Variants in USP28 observed in about 807,000 individuals in gnomAD.
The protein encoded by USP28 is ubiquitin carboxyl-terminal hydrolase 28.
USP28 carries 113 observed loss-of-function variants against 145.0 expected under a neutral mutation model. The observed-to-expected ratio is 0.78, with a 90% CI of 0.67 to 0.91. The LOEUF (loss-of-function observed/expected upper bound fraction) is 0.91. Among genes scored for constraint, USP28 ranks in the 40% least tolerant of loss-of-function variants. The pLI, the probability that USP28 is intolerant of heterozygous loss-of-function variation, is 0.00. For missense variants in USP28, 1,201 were observed against 1,289.6 expected (o/e 0.93, Z 1.05); for synonymous variants, 447 against 450.9 (o/e 0.99, Z 0.11).
intron 1 of USP28, among the ~76,000 whole-genome samples, chr11:113,870,924 C>T (rs1277003623): frequency 6.6e-6 from 1 of 151,480 alleles, no homozygotes; most frequent in Non-Finnish European, 1.5e-5. Context: ...CTGGACTGGG[C>T]AATAGACACT....
At chr11:113,815,024 C>T in intron 14 of USP28, 150 bp downstream of exon 14, 1 of 737,620 alleles carries the variant, frequency 1.4e-6, no homozygotes, top group South Asian at 1.9e-5. Context: ...TGCACTCCAG[C>T]CTGGGTGATA....
At chr11:113,803,812 G>A (rs1939469217) in exon 22 of USP28, 3 of 1,613,064 alleles carry the variant, frequency 1.9e-6, no homozygotes, top group Non-Finnish European at 8.5e-7. Context: ...CTTTTTGATA[G>A]AGTTCTAGGC....
chr11:113,822,927 G>A (rs757285881), intron 12 of USP28, among the ~76,000 whole-genome samples: 1 of 152,194 alleles, frequency 6.6e-6, no homozygotes, highest in Non-Finnish European at 1.5e-5. Context: ...TAAGGGAGTA[G>A]GTGGAGGTGT....
chr11:113,812,199 A>G (rs1436151314), intron 16 of USP28, 77 bp downstream of exon 16: 18 of 1,004,368 alleles, frequency 1.8e-5, no homozygotes, highest in Non-Finnish European at 2.5e-5. Flanking sequence ...ATTTTTTAAA[A>G]AGCAGTACAA....
chr11:113,833,522 C>T (rs1286844502), exon 7 of USP28: 2 of 1,614,126 alleles, frequency 1.2e-6, no homozygotes, highest in Non-Finnish European at 1.7e-6. Context: ...CAAACAAATA[C>T]TGAAGCTCTT....
At chr11:113,874,753 T>TC in intron 1 of USP28, 1 of 1,170,380 alleles carries the variant, frequency 8.5e-7, no homozygotes, top group Non-Finnish European at 1.1e-6. Context: ...CAGGGTTCTT[T>TC]CACTCTCACC....
At chr11:113,845,184 A>T (rs1945685841) in intron 3 of USP28, among the ~76,000 whole-genome samples, 1 of 151,490 alleles carries the variant, frequency 6.6e-6, no homozygotes, top group African/African-American at 2.4e-5. Flanking sequence ...CATGCCTTTA[A>T]TTCCAGCACT....
intron 1 of USP28, among the ~76,000 whole-genome samples, chr11:113,870,797 A>G (rs1435993758): frequency 6.6e-6 from 1 of 152,172 alleles, no homozygotes; most frequent in Non-Finnish European, 1.5e-5. Context: ...GTCTTTTCCA[A>G]GTTTTGTATA....
At chr11:113,872,666 T>A (rs570888005) in intron 1 of USP28, among the ~76,000 whole-genome samples, 1 of 152,312 alleles carries the variant, frequency 6.6e-6, no homozygotes, top group South Asian at 2.1e-4. Context: ...CAGGTTTTTA[T>A]AAGGCTTCAG....
At chr11:113,860,442 CAAAAA>C (rs4020501) in intron 1 of USP28, among the ~76,000 whole-genome samples, 1 of 134,622 alleles carries the variant, frequency 7.4e-6, no homozygotes, top group African/African-American at 3.0e-5. Context: ...CCAAGGGAAG[CAAAAA>C]AAAAAAAAAG....
chr11:113,845,071 G>T (rs569949208), intron 3 of USP28, among the ~76,000 whole-genome samples: 2 of 147,876 alleles, frequency 1.4e-5, no homozygotes, highest in East Asian at 4.0e-4. Context: ...AGTGAGCCCT[G>T]TTTGCACAAC....
chr11:113,826,989 T>C (rs189956238), intron 11 of USP28, among the ~76,000 whole-genome samples: 1 of 149,728 alleles, frequency 6.7e-6, no homozygotes. Flanking sequence ...AGAATTCAGG[T>C]AGTTCCTACC....
chr11:113,836,165 C>T lies in USP28; in HGVS notation c.535-1830G>A, dbSNP rs560414526. ...TCTCCCAATTTATTCCTTACCCAAC[C>T]GCTGCTGCTTCTGTGTTTTCTGCGT... On this transcript the variant is annotated intron_variant, in intron 5 of 24. Transcript: ENST00000003302. Among the ~76,000 whole-genome samples the T allele has an allele frequency of 8.5e-5, 13 of 152,252 alleles. No homozygotes were observed. In the South Asian group the frequency reaches 2.7e-3, roughly 32 times the overall value.
At chr11:113,803,912 C>G (rs373736704) in intron 21 of USP28, 35 bp from the exon 23 acceptor site, 3 of 1,569,246 alleles carry the variant, frequency 1.9e-6, no homozygotes, top group Non-Finnish European at 2.6e-6. Flanking sequence ...TAATCATGAT[C>G]ATAATAGATT....
intron 15 of USP28, 117 bp from the exon 16 acceptor site, chr11:113,812,621 C>T (rs1437058631): frequency 1.1e-5 from 10 of 884,392 alleles, no homozygotes; most frequent in Non-Finnish European, 1.7e-5. Flanking sequence ...ATTAAAACAT[C>T]TTGTTGATTC....
intron 17 of USP28, 121 bp downstream of exon 17, chr11:113,808,942 G>A (rs1426601468): frequency 1.2e-5 from 11 of 937,858 alleles, no homozygotes; most frequent in Non-Finnish European, 1.3e-5. Context: ...CATACCAACT[G>A]TATATGAAAT....
chr11:113,842,667 T>C (rs543059326), intron 3 of USP28, among the ~76,000 whole-genome samples: 1 of 151,296 alleles, frequency 6.6e-6, no homozygotes, highest in Non-Finnish European at 1.5e-5. Flanking sequence ...AAATTCACTA[T>C]CTTAACAGTT....
exon 9 of USP28, chr11:113,830,899 T>C: frequency 3.7e-6 from 6 of 1,614,084 alleles, no homozygotes; most frequent in East Asian, 2.2e-5. Context: ...GAAAGTACCA[T>C]AGAACAGCTG....
intron 5 of USP28, among the ~76,000 whole-genome samples, chr11:113,838,882 G>A (rs1018336551): frequency 4.6e-5 from 7 of 152,228 alleles, no homozygotes; most frequent in Admixed American, 2.6e-4. Context: ...TGTAGAAAGG[G>A]AGAATTCCAT....
Sources: gnomAD v4.1 joint callset for allele counts (sites outside exome capture counted in the v4.1 genomes callset) on GRCh38, gnomAD v4.1.1 for gene constraint, MANE v1.5 for transcripts, NCBI Gene and HGNC (gene_info 2026-07-23, HGNC 2026-07-21) for gene names.